Variants in CCDC149 observed in about 807,000 individuals in gnomAD.
CCDC149 encodes coiled-coil domain containing 149, also known as coiled-coil domain-containing protein 149.
CCDC149 carries 45 observed loss-of-function variants against 59.9 expected under a neutral mutation model. The observed-to-expected ratio is 0.75, with a 90% CI of 0.59 to 0.96. The LOEUF is 0.96. Ranked by LOEUF, CCDC149 falls within the 40% of genes least tolerant of loss-of-function variation. The pLI, the probability that CCDC149 is intolerant of heterozygous loss-of-function variation, is 0.00. For synonymous variants in CCDC149, 245 were observed against 260.6 expected (o/e 0.94, Z 0.58); for missense variants, 584 against 664.7 (o/e 0.88, Z 1.33).
intron 3 of CCDC149, among the ~76,000 whole-genome samples, chr4:24,872,265 G>A (rs868657355): frequency 3.3e-5 from 5 of 152,198 alleles, no homozygotes; most frequent in East Asian, 1.9e-4. Flanking sequence ...GTTGGCCACC[G>A]TGCAGGAGAA....
At chr4:24,871,745 G>C (rs1402178652) in intron 3 of CCDC149, among the ~76,000 whole-genome samples, 2 of 152,104 alleles carry the variant, frequency 1.3e-5, no homozygotes, top group East Asian at 3.9e-4. Flanking sequence ...GAAACTTAAT[G>C]CCATTTTAAA....
intron 1 of CCDC149, 25 bp downstream of exon 1, chr4:24,912,792 C>T (rs1721966736): frequency 6.1e-6 from 8 of 1,303,492 alleles, no homozygotes; most frequent in African/African-American, 1.5e-5. Context: ...CGGCCCATCC[C>T]GCCTGGCCGG....
chr4:24,964,849 CAAT>C (rs1723747621), intron 1 of CCDC149, among the ~76,000 whole-genome samples: 1 of 143,700 alleles, frequency 7.0e-6, no homozygotes, highest in Non-Finnish European at 1.5e-5. Flanking sequence ...ATAAATGACA[CAAT>C]ACTAATAGAA....
intron 12 of CCDC149, among the ~76,000 whole-genome samples, chr4:24,816,993 C>T (rs1715055331): frequency 6.6e-6 from 1 of 152,172 alleles, no homozygotes; most frequent in South Asian, 2.1e-4. Flanking sequence ...GAGGCCATCC[C>T]GGACGCTGAC....
At chr4:24,927,707 C>T (rs1317396023) in intron 1 of CCDC149, among the ~76,000 whole-genome samples, 33 of 152,116 alleles carry the variant, frequency 2.2e-4, no homozygotes, top group Admixed American at 2.1e-3. Context: ...CTTATATTAA[C>T]TTGATCTACC....
chr4:24,980,104 T>A (rs746187141), exon 1 of CCDC149: 11 of 152,234 alleles, frequency 7.2e-5, no homozygotes, highest in Non-Finnish European at 1.0e-4. Flanking sequence ...TTTAGTGGAT[T>A]CAGAAGGACA....
chr4:24,971,145 G>C (rs1405594890), intron 1 of CCDC149, among the ~76,000 whole-genome samples: 5 of 152,218 alleles, frequency 3.3e-5, no homozygotes, highest in Non-Finnish European at 7.3e-5. Context: ...GGGAGATTAA[G>C]GTGGTCAAGA....
intron 1 of CCDC149, among the ~76,000 whole-genome samples, chr4:24,899,183 G>C (rs1721014711): frequency 6.6e-6 from 1 of 152,226 alleles, no homozygotes; most frequent in Admixed American, 6.5e-5. Context: ...TGGTGACACG[G>C]ATGCCCTATT....
intron 1 of CCDC149, among the ~76,000 whole-genome samples, chr4:24,925,815 C>A (rs894616735): frequency 1.3e-4 from 20 of 152,138 alleles, no homozygotes; most frequent in Non-Finnish European, 1.0e-4. Context: ...TTTCCCAGAG[C>A]CTATTTATTA....
At chr4:24,974,019 C>T (rs890746930) in intron 1 of CCDC149, among the ~76,000 whole-genome samples, 1 of 152,216 alleles carries the variant, frequency 6.6e-6, no homozygotes, top group Non-Finnish European at 1.5e-5. Flanking sequence ...GCCTCTGCTT[C>T]GGAAGAGTAT....
At chr4:24,894,384 G>A (rs1387030065) in intron 1 of CCDC149, among the ~76,000 whole-genome samples, 1 of 152,140 alleles carries the variant, frequency 6.6e-6, no homozygotes, top group Non-Finnish European at 1.5e-5. Flanking sequence ...GGTGAAGAGA[G>A]GCAGGTTTCC....
At position 24,819,934 on chromosome 4, in the gene CCDC149, T is replaced by C. The variant is rs1201496284; in HGVS notation, c.1117A>G (p.Ser373Gly). ...AGTGGGGATCTCGACCTCTGTCCAC[T>C]AGGAAGAGTGGGGTCGCTGAACAGT... The change falls in exon 12 of 13, where the codon AGT (serine) becomes GGT (glycine). Residue 373 changes from serine (S) to glycine (G), a missense_variant. Ser to Gly is a moderately conservative substitution (Grantham distance 56). Transcript: ENST00000635206. 3 of 1,551,532 alleles carry C rather than the reference T, an allele frequency of 1.9e-6. No individual in the cohort carries two copies. Among genetic ancestry groups the C allele is most frequent in the South Asian group, 2.4e-5 (2 of 84,042 alleles).
intron 1 of CCDC149, chr4:24,895,213 G>A (rs1318522573): frequency 2.9e-5 from 18 of 627,736 alleles, no homozygotes; most frequent in Non-Finnish European, 5.2e-5. Context: ...TCTTGGCTCA[G>A]AAGGGCATAG....
intron 6 of CCDC149, 104 bp from the exon 7 acceptor site, chr4:24,836,612 C>T: frequency 1.4e-6 from 1 of 709,304 alleles, no homozygotes; most frequent in South Asian, 1.7e-5. Context: ...GAAGAGCTAT[C>T]TTTTACACAT....
intron 1 of CCDC149, among the ~76,000 whole-genome samples, chr4:24,922,602 C>T (rs1300264578): frequency 6.6e-6 from 1 of 152,146 alleles, no homozygotes; most frequent in African/African-American, 2.4e-5. Context: ...TGAGTCAGCT[C>T]CTGTCCCTTC....
upstream of CCDC149, among the ~76,000 whole-genome samples, chr4:24,913,174 C>T (rs1722003293): frequency 6.6e-6 from 1 of 152,002 alleles, no homozygotes; most frequent in South Asian, 2.1e-4. Flanking sequence ...TGCCCGGCCT[C>T]TAGGCAAGGG....
intron 1 of CCDC149, among the ~76,000 whole-genome samples, chr4:24,884,344 C>G (rs921952916): frequency 6.6e-6 from 1 of 152,200 alleles, no homozygotes; most frequent in African/African-American, 2.4e-5. Flanking sequence ...AAGTAACAAG[C>G]CATACCATGT....
chr4:24,817,188 G>A (rs943938437), intron 12 of CCDC149, among the ~76,000 whole-genome samples: 9 of 152,152 alleles, frequency 5.9e-5, no homozygotes, highest in Admixed American at 1.3e-4. Flanking sequence ...GGTCCACCCC[G>A]AGGCTCAGCA....
chr4:24,971,955 A>C (rs1723982048), intron 1 of CCDC149, among the ~76,000 whole-genome samples: 1 of 152,216 alleles, frequency 6.6e-6, no homozygotes, highest in Non-Finnish European at 1.5e-5. Flanking sequence ...GCTGATCAAA[A>C]AATCTTTAAA....
Sources: allele counts gnomAD v4.1 joint callset (sites outside exome capture counted in the v4.1 genomes callset), GRCh38; gene constraint gnomAD v4.1.1; transcripts MANE v1.5; gene names NCBI Gene and HGNC (gene_info 2026-07-23, HGNC 2026-07-21).